The following ZNF362 variants were observed in gnomAD, a reference collection of about 807,000 sequenced individuals.
ZNF362 encodes the protein zinc finger protein 362.
A neutral mutation model predicts 42.9 loss-of-function variants in ZNF362; 11 were observed. The observed-to-expected ratio is 0.26, with a 90% confidence interval of 0.16 to 0.42. The LOEUF is 0.42. Among genes scored for constraint, ZNF362 ranks in the 20% least tolerant of loss-of-function variants. The pLI is 1.00. For synonymous variants in ZNF362, 255 were observed against 257.3 expected (o/e 0.99, Z 0.09); for missense variants, 362 against 576.2 (o/e 0.63, Z 3.81).
chr1:33,293,858 G>A (rs1178910960), intron 6 of ZNF362, among the ~76,000 whole-genome samples: 1 of 152,282 alleles, frequency 6.6e-6, no homozygotes, highest in Admixed American at 6.5e-5. Context: ...CTGGGCTGTT[G>A]GGCAGGTACA....
At chr1:33,157,253 C>T in the ZNF362 span, among the ~76,000 whole-genome samples, 1 of 152,148 alleles carries the variant, frequency 6.6e-6, no homozygotes, top group South Asian at 2.1e-4. Context: ...CCTCCAGCCA[C>T]GTTAACCTCC....
the ZNF362 span, among the ~76,000 whole-genome samples, chr1:33,247,723 A>C: frequency 6.6e-6 from 1 of 152,264 alleles, no homozygotes; most frequent in South Asian, 2.1e-4. Flanking sequence ...AGCTGGGTCC[A>C]GATGTGCTGC....
the ZNF362 span, among the ~76,000 whole-genome samples, chr1:33,198,693 C>CA: frequency 0.73 from 111,059 of 151,910 alleles, 40,783 homozygotes; most frequent in Non-Finnish European, 0.76. Flanking sequence ...AAAAGTCAAT[C>CA]GTCAATCAAT....
intron 6 of ZNF362, among the ~76,000 whole-genome samples, chr1:33,284,542 T>C (rs1646018597): frequency 6.6e-6 from 1 of 152,216 alleles, no homozygotes; most frequent in Admixed American, 6.5e-5. Flanking sequence ...TTGTTTTCAA[T>C]AGAATGATTA....
intron 1 of ZNF362, among the ~76,000 whole-genome samples, chr1:33,265,318 G>A (rs1445190811): frequency 7.9e-5 from 12 of 151,654 alleles, no homozygotes; most frequent in Admixed American, 6.6e-4. Context: ...GAGGTTGAGG[G>A]TGTTGGGGAG....
intron 6 of ZNF362, among the ~76,000 whole-genome samples, chr1:33,284,030 G>A (rs1364631598): frequency 6.6e-6 from 1 of 152,198 alleles, no homozygotes; most frequent in Non-Finnish European, 1.5e-5. Flanking sequence ...GTATGTATGT[G>A]AAAAAATTTT....
the ZNF362 span, among the ~76,000 whole-genome samples, chr1:33,222,306 C>A: frequency 1.1e-4 from 17 of 152,274 alleles, 1 homozygote; most frequent in East Asian, 3.3e-3. Context: ...CTATTTCTAA[C>A]CTAGAAACAA....
the ZNF362 span, chr1:33,166,209 C>T: frequency 6.6e-6 from 1 of 152,294 alleles, no homozygotes; most frequent in African/African-American, 2.4e-5. Context: ...GCTCAGGGCT[C>T]CCACTGATCC....
intron 1 of ZNF362, among the ~76,000 whole-genome samples, chr1:33,260,811 G>C (rs574329200): frequency 6.6e-6 from 1 of 152,240 alleles, no homozygotes; most frequent in South Asian, 2.1e-4. Context: ...CTGTTGTCAG[G>C]AAATAATGAG....
intron 1 of ZNF362, among the ~76,000 whole-genome samples, chr1:33,260,458 G>T (rs1034998857): frequency 6.6e-6 from 1 of 152,160 alleles, no homozygotes; most frequent in Admixed American, 6.5e-5. Context: ...TGTTTCACAG[G>T]TTTCTACTTG....
the ZNF362 span, among the ~76,000 whole-genome samples, chr1:33,239,593 CT>C: frequency 6.6e-6 from 1 of 152,156 alleles, no homozygotes; most frequent in African/African-American, 2.4e-5. Context: ...AAGCAGGCGC[CT>C]GCTTCACGGG....
chr1:33,158,473 T>C, the ZNF362 span: 1 of 841,092 alleles, frequency 1.2e-6, no homozygotes. Context: ...GATGTGGTCA[T>C]GAGTGAGAAG....
intron 8 of ZNF362, among the ~76,000 whole-genome samples, chr1:33,295,606 G>A (rs1646117109): frequency 9.2e-6 from 1 of 108,986 alleles, no homozygotes; most frequent in South Asian, 3.2e-4. Flanking sequence ...GCTCCGCAGA[G>A]CTACAGAGAG....
chr1:33,238,270 G>A, the ZNF362 span, among the ~76,000 whole-genome samples: 1 of 150,714 alleles, frequency 6.6e-6, no homozygotes, highest in Non-Finnish European at 1.5e-5. Flanking sequence ...AGTGAGCTGA[G>A]ATCGCACCAC....
the ZNF362 span, among the ~76,000 whole-genome samples, chr1:33,240,009 G>T: frequency 6.6e-6 from 1 of 152,198 alleles, no homozygotes; most frequent in Non-Finnish European, 1.5e-5. Flanking sequence ...TTTTCTTACA[G>T]TAGAATGCCA....
chr1:33,138,048 T>C, the ZNF362 span, among the ~76,000 whole-genome samples: 1 of 151,974 alleles, frequency 6.6e-6, no homozygotes, highest in African/African-American at 2.4e-5. Context: ...TAACCATCAG[T>C]GGGGTGCTGG....
chr1:33,275,218 G>A (rs936805719), intron 2 of ZNF362: 47 of 985,270 alleles, frequency 4.8e-5, no homozygotes, highest in Non-Finnish European at 5.3e-5. Flanking sequence ...CTCTAGGGTA[G>A]CAGGAAGACA....
At chr1:33,151,199 G>A in the ZNF362 span, among the ~76,000 whole-genome samples, 2 of 152,134 alleles carry the variant, frequency 1.3e-5, no homozygotes, top group East Asian at 3.8e-4. Context: ...AGGAAATCCT[G>A]ACCCAGTGAA....
At chr1:33,263,074 C>G (rs1185871713) in intron 1 of ZNF362, among the ~76,000 whole-genome samples, 1 of 152,260 alleles carries the variant, frequency 6.6e-6, no homozygotes, top group East Asian at 1.9e-4. Context: ...CTCAGGCCTC[C>G]TTGTGCACAT....
Sources: allele counts gnomAD v4.1 joint callset (sites outside exome capture counted in the v4.1 genomes callset), GRCh38; gene constraint gnomAD v4.1.1; transcripts MANE v1.5; gene names NCBI Gene and HGNC (gene_info 2026-07-23, HGNC 2026-07-21).